Variants in MNAT1 observed in about 807,000 individuals in gnomAD.
MNAT1 encodes the protein MNAT1 component of CDK activating kinase.
MNAT1 carries 43 observed loss-of-function variants against 42.0 expected under a neutral mutation model. The observed-to-expected ratio is 1.02, with a 90% CI of 0.80 to 1.32. The LOEUF (loss-of-function observed/expected upper bound fraction) is 1.32, where lower values mean the gene tolerates loss of function less well. Ranked by LOEUF, MNAT1 falls within the 40% of genes most tolerant of loss-of-function variation. MNAT1 has a pLI of 0.00. For missense variants in MNAT1, 306 were observed against 350.4 expected, an observed-to-expected ratio of 0.87 and a Z score of 1.01; for synonymous variants, 118 against 120.0, an observed-to-expected ratio of 0.98 and a Z score of 0.11.
chr14:60,786,748 C>T (rs1274505479), intron 1 of MNAT1, among the ~76,000 whole-genome samples: 1 of 152,168 alleles, frequency 6.6e-6, no homozygotes, highest in African/African-American at 2.4e-5. Context: ...ATTCTCACAT[C>T]TGCTTCTGTG....
At chr14:60,833,188 G>A (rs1413031257) in intron 6 of MNAT1, among the ~76,000 whole-genome samples, 1 of 151,986 alleles carries the variant, frequency 6.6e-6, no homozygotes, top group African/African-American at 2.4e-5. Flanking sequence ...TTGCCTGATT[G>A]TCCTGGCCAG....
At chr14:60,763,730 G>A (rs568217008) in intron 1 of MNAT1, among the ~76,000 whole-genome samples, 1 of 152,016 alleles carries the variant, frequency 6.6e-6, no homozygotes, top group Non-Finnish European at 1.5e-5. Flanking sequence ...CTTTAATTTG[G>A]AACTACAATG....
intron 7 of MNAT1, among the ~76,000 whole-genome samples, chr14:60,938,152 T>A (rs1330776205): frequency 6.6e-6 from 1 of 152,212 alleles, no homozygotes; most frequent in Non-Finnish European, 1.5e-5. Context: ...TTTCTAGATA[T>A]ACAATCATGT....
chr14:60,889,735 G>T (rs2034787270), intron 7 of MNAT1, among the ~76,000 whole-genome samples: 1 of 152,048 alleles, frequency 6.6e-6, no homozygotes. Flanking sequence ...AATCTACAAT[G>T]AACTCAAACA....
chr14:60,943,705 G>A (rs2139594052), intron 7 of MNAT1, among the ~76,000 whole-genome samples: 1 of 151,808 alleles, frequency 6.6e-6, no homozygotes, highest in East Asian at 1.9e-4. Flanking sequence ...CATGTTGCTG[G>A]TTGCTAGGGC....
intron 5 of MNAT1, among the ~76,000 whole-genome samples, chr14:60,814,678 T>G (rs2032657811): frequency 6.6e-6 from 1 of 151,972 alleles, no homozygotes; most frequent in African/African-American, 2.4e-5. Context: ...GGTGAGAAAC[T>G]AAAGGAAAAA....
At chr14:60,903,351 T>C (rs2139509779) in intron 7 of MNAT1, among the ~76,000 whole-genome samples, 1 of 152,150 alleles carries the variant, frequency 6.6e-6, no homozygotes, top group East Asian at 1.9e-4. Context: ...TAAAATAGCG[T>C]TTGGGAAAGG....
chr14:60,789,666 G>A (rs1333318114), intron 1 of MNAT1, among the ~76,000 whole-genome samples: 2 of 152,042 alleles, frequency 1.3e-5, no homozygotes, highest in Non-Finnish European at 2.9e-5. Context: ...ATCCCTGAAG[G>A]GGCTTTGAGC....
At chr14:60,912,125 C>T (rs974666925) in intron 7 of MNAT1, among the ~76,000 whole-genome samples, 1 of 152,098 alleles carries the variant, frequency 6.6e-6, no homozygotes, top group African/African-American at 2.4e-5. Context: ...TCTGTTTTAT[C>T]AGAGACTAGG....
chr14:60,873,351 C>T (rs8013435), intron 6 of MNAT1, among the ~76,000 whole-genome samples: 143,346 of 152,206 alleles, frequency 0.94, 67,825 homozygotes, highest in Non-Finnish European at 0.99. Flanking sequence ...AAATATAAAA[C>T]ATACCCATTT....
At chr14:60,911,124 A>G (rs2035346386) in intron 7 of MNAT1, among the ~76,000 whole-genome samples, 1 of 152,132 alleles carries the variant, frequency 6.6e-6, no homozygotes, top group Non-Finnish European at 1.5e-5. Flanking sequence ...AGGTGTTTAT[A>G]GTATTCTCTG....
chr14:60,823,005 C>T (rs886910255), intron 6 of MNAT1, among the ~76,000 whole-genome samples: 3 of 152,158 alleles, frequency 2.0e-5, no homozygotes, highest in African/African-American at 7.2e-5. Flanking sequence ...CACCTGCCTG[C>T]CTTGGCCTCC....
At chr14:60,775,508 T>C (rs993247475) in intron 1 of MNAT1, among the ~76,000 whole-genome samples, 3 of 152,142 alleles carry the variant, frequency 2.0e-5, no homozygotes, top group Non-Finnish European at 4.4e-5. Context: ...GTTGTTGATA[T>C]TAAGGTATGC....
intron 4 of MNAT1, among the ~76,000 whole-genome samples, chr14:60,810,284 A>C (rs987227933): frequency 6.6e-6 from 1 of 151,680 alleles, no homozygotes; most frequent in African/African-American, 2.4e-5. Flanking sequence ...TTTTGAAAAA[A>C]CTTAATTTTG....
intron 6 of MNAT1, among the ~76,000 whole-genome samples, chr14:60,867,732 C>T (rs1157396137): frequency 2.0e-5 from 3 of 152,068 alleles, no homozygotes; most frequent in African/African-American, 7.2e-5. Flanking sequence ...ATACACTCCC[C>T]CCTTCCTCAT....
At chr14:60,894,894 C>G (rs745420102) in intron 7 of MNAT1, among the ~76,000 whole-genome samples, 5 of 152,056 alleles carry the variant, frequency 3.3e-5, no homozygotes, top group Non-Finnish European at 7.4e-5. Context: ...AAATCTTGGC[C>G]GTAACAGTTT....
rs1342135300 is a variant in MNAT1 at position 60,968,216 on chromosome 14, T to A, written c.810-13T>A. 1.9e-6 allele frequency: 3 copies of A among 1,587,812 alleles called. No individual in the cohort carries two copies. In the East Asian group the frequency reaches 6.7e-5, roughly 36 times the overall value. On this transcript the variant is annotated splice_polypyrimidine_tract_variant and intron_variant, in intron 7 of 7. Coordinates refer to ENST00000261245, the MANE Select transcript of MNAT1 (RefSeq NM_002431.4). ...CTTTGTATATCAATGCTACACTTCT[T>A]GTTTTGTTTTAGGTATTTAAACCAT...
chr14:60,841,787 G>A (rs1190835598), intron 6 of MNAT1, among the ~76,000 whole-genome samples: 1 of 152,210 alleles, frequency 6.6e-6, no homozygotes, highest in African/African-American at 2.4e-5. Context: ...AGCATTGTTA[G>A]CATGTACAAG....
At chr14:60,837,069 C>G (rs1177894527) in intron 6 of MNAT1, among the ~76,000 whole-genome samples, 2 of 152,156 alleles carry the variant, frequency 1.3e-5, no homozygotes, top group Admixed American at 1.3e-4. Flanking sequence ...GATGCCCCTA[C>G]CCCCACCAAG....
Sources: allele counts gnomAD v4.1 joint callset (sites outside exome capture counted in the v4.1 genomes callset), GRCh38; gene constraint gnomAD v4.1.1; transcripts MANE v1.5; gene names NCBI Gene and HGNC (gene_info 2026-07-23, HGNC 2026-07-21).